HPGDS: variants seen among roughly 807,000 people sequenced by gnomAD.
HPGDS encodes hematopoietic prostaglandin D synthase.
A neutral mutation model predicts 23.1 loss-of-function variants in HPGDS; 26 were observed. That is an observed-to-expected ratio of 1.13 (90% CI 0.83 to 1.56). The LOEUF is 1.56. Ranked by LOEUF, HPGDS falls within the 40% of genes most tolerant of loss-of-function variation. HPGDS has a pLI of 0.00. For synonymous variants in HPGDS, 95 were observed against 77.9 expected, an observed-to-expected ratio of 1.22 and a Z score of -1.16; for missense variants, 268 against 236.4, an observed-to-expected ratio of 1.13 and a Z score of -0.88.
intron 2 of HPGDS, among the ~76,000 whole-genome samples, chr4:94,319,777 T>G (rs2126040793): frequency 6.6e-6 from 1 of 152,328 alleles, no homozygotes; most frequent in Non-Finnish European, 1.5e-5. Flanking sequence ...ATTTTTGTAT[T>G]ATACTTTAAG....
intron 2 of HPGDS, among the ~76,000 whole-genome samples, chr4:94,333,472 C>A (rs910324744): frequency 2.0e-5 from 3 of 152,170 alleles, no homozygotes; most frequent in Non-Finnish European, 4.4e-5. Context: ...GGTGGCAGAT[C>A]AACAAGAAAC....
intron 3 of HPGDS, among the ~76,000 whole-genome samples, chr4:94,317,279 G>C (rs1756416185): frequency 6.6e-6 from 1 of 152,136 alleles, no homozygotes; most frequent in Non-Finnish European, 1.5e-5. Flanking sequence ...GAAGACAATG[G>C]AGCATAGGAT....
chr4:94,340,303 TTCTTTCTC>T (rs1560597964), intron 1 of HPGDS, among the ~76,000 whole-genome samples: 1,208 of 58,792 alleles, frequency 0.021, 44 homozygotes, highest in Non-Finnish European at 0.029. Context: ...CTTTCTTTCT[TTCTTTCTC>T]TTTTTTTTTT....
At chr4:94,314,940 G>T (rs189795472) in intron 3 of HPGDS, among the ~76,000 whole-genome samples, 61 of 152,368 alleles carry the variant, frequency 4.0e-4, no homozygotes, top group South Asian at 3.5e-3. Context: ...CTCTTAGCCA[G>T]GCACGGGATA....
rs779996833 is a variant in HPGDS at position 94,299,566 on chromosome 4, G to T, written c.514C>A (p.Pro172Thr). The change falls in exon 6 of 6, where the codon CCA becomes ACA. Residue 172 changes from proline (P) to threonine (T), a missense_variant. By Grantham distance (38) the Pro-to-Thr change is conservative. Transcript: ENST00000295256. The part of the protein sequence containing the change: ...VFKPDLLDNH[P>T]RLVTLRKKVQ... The stretch of plus-strand genomic sequence containing the variant: ...TTCTTCCGTAAAGTCACCAGCCTTG[G>T]ATGGTTGTCTAACAGGTCAGGCTTA... 5 of 1,614,112 alleles carry T rather than the reference G, an allele frequency of 3.1e-6. No homozygotes were observed. The highest frequency in any genetic ancestry group is 4.2e-6 in the Non-Finnish European group (5 of 1,180,004).
At chr4:94,322,078 A>G (rs180733191) in intron 2 of HPGDS, among the ~76,000 whole-genome samples, 51 of 151,994 alleles carry the variant, frequency 3.4e-4, no homozygotes, top group African/African-American at 1.0e-3. Flanking sequence ...ATTGATTTGC[A>G]TATGTTGAAC....
intron 4 of HPGDS, among the ~76,000 whole-genome samples, chr4:94,306,880 A>G (rs1173718741): frequency 1.6e-4 from 25 of 152,232 alleles, no homozygotes; most frequent in Non-Finnish European, 8.8e-5. Context: ...ATCATTAATG[A>G]AAGAATTAAA....
At chr4:94,302,392 T>C in intron 4 of HPGDS, 148 bp from the exon 5 acceptor site, 1 of 591,674 alleles carries the variant, frequency 1.7e-6, no homozygotes, top group Non-Finnish European at 3.0e-6. Context: ...ATTTATGACA[T>C]GGAGATTTAG....
chr4:94,326,209 A>G (rs1756629632), intron 2 of HPGDS, among the ~76,000 whole-genome samples: 1 of 152,164 alleles, frequency 6.6e-6, no homozygotes, highest in South Asian at 2.1e-4. Flanking sequence ...TGTTGAATCT[A>G]TACCTGAGCT....
intron 3 of HPGDS, among the ~76,000 whole-genome samples, chr4:94,314,042 A>T (rs1388152564): frequency 1.3e-5 from 2 of 152,120 alleles, no homozygotes; most frequent in East Asian, 3.9e-4. Flanking sequence ...CATTCATCTA[A>T]TCTTTTTTCA....
intron 3 of HPGDS, among the ~76,000 whole-genome samples, chr4:94,308,989 T>C (rs1193875552): frequency 6.6e-6 from 1 of 150,378 alleles, no homozygotes; most frequent in Non-Finnish European, 1.5e-5. Flanking sequence ...CCACTAGATA[T>C]GCTTCCTCAT....
intron 4 of HPGDS, among the ~76,000 whole-genome samples, chr4:94,308,255 G>A (rs1034229220): frequency 6.6e-6 from 1 of 152,064 alleles, no homozygotes; most frequent in Non-Finnish European, 1.5e-5. Context: ...TACTTAAAAC[G>A]TTTTGGAGTT....
At chr4:94,319,235 T>C (rs1756456238) in intron 2 of HPGDS, among the ~76,000 whole-genome samples, 1 of 152,242 alleles carries the variant, frequency 6.6e-6, no homozygotes, top group Non-Finnish European at 1.5e-5. Context: ...AATTGTTATA[T>C]CTTCTTGCTG....
chr4:94,319,370 T>A (rs992951960), intron 2 of HPGDS, among the ~76,000 whole-genome samples: 2 of 152,198 alleles, frequency 1.3e-5, no homozygotes, highest in African/African-American at 4.8e-5. Flanking sequence ...TATGGAATAT[T>A]TTTTTCCATT....
At chr4:94,304,776 G>C (rs1756109374) in intron 4 of HPGDS, among the ~76,000 whole-genome samples, 2 of 152,092 alleles carry the variant, frequency 1.3e-5, no homozygotes, top group African/African-American at 4.8e-5. Context: ...TTGGTGGTAT[G>C]TAAGAGAGTT....
intron 1 of HPGDS, among the ~76,000 whole-genome samples, chr4:94,342,245 G>C (rs1478153764): frequency 6.6e-6 from 1 of 152,072 alleles, no homozygotes; most frequent in African/African-American, 2.4e-5. Flanking sequence ...GGAGCTGTGA[G>C]TTGAAATTCC....
At chr4:94,320,519 C>T (rs138648271) in intron 2 of HPGDS, among the ~76,000 whole-genome samples, 17 of 152,198 alleles carry the variant, frequency 1.1e-4, no homozygotes, top group East Asian at 3.9e-4. Flanking sequence ...CCAGTGATGA[C>T]GAGCATTTTT....
intron 3 of HPGDS, among the ~76,000 whole-genome samples, chr4:94,311,881 C>T (rs1291497871): frequency 6.0e-5 from 9 of 151,022 alleles, no homozygotes; most frequent in Admixed American, 1.3e-4. Flanking sequence ...GTGTATGTGT[C>T]GAGGAATGTA....
intron 1 of HPGDS, among the ~76,000 whole-genome samples, chr4:94,336,965 GTTTCGT>G: frequency 6.6e-6 from 1 of 151,758 alleles, no homozygotes; most frequent in Admixed American, 6.6e-5. Context: ...GTTTCGTTTT[GTTTCGT>G]TTTGTTTTGT....
Sources: allele counts gnomAD v4.1 joint callset (sites outside exome capture counted in the v4.1 genomes callset), GRCh38; gene constraint gnomAD v4.1.1; transcripts MANE v1.5; gene names NCBI Gene and HGNC (gene_info 2026-07-23, HGNC 2026-07-21).